Variants in REG1A observed in about 807,000 individuals in gnomAD.
The protein encoded by REG1A is lithostathine-1-alpha.
REG1A carries 20 observed loss-of-function variants against 20.7 expected under a neutral mutation model. The observed-to-expected ratio is 0.97, with a 90% confidence interval of 0.68 to 1.41. REG1A has a LOEUF of 1.41. REG1A is among the 40% of genes most tolerant of loss of function. REG1A has a pLI of 0.00. For synonymous variants in REG1A, 90 were observed against 71.6 expected (o/e 1.26, Z -1.30); for missense variants, 193 against 201.8 (o/e 0.96, Z 0.26).
At chr2:79,123,043 TC>T in intron 5 of REG1A, 91 bp downstream of exon 5, 1 of 1,439,442 alleles carries the variant, frequency 6.9e-7, no homozygotes. Flanking sequence ...AAAGGTGAAC[TC>T]CTCATTAAGG....
Position 79,123,135 on chromosome 2 carries a change from C to T in REG1A, c.434-13C>T. On this transcript the variant is annotated splice_polypyrimidine_tract_variant and intron_variant, in intron 5 of 5. Coordinates refer to ENST00000233735, the MANE Select transcript of REG1A (RefSeq NM_002909.5). ...CGGGTCTCCCAGTTGTAACTCTTCT[C>T]ATTGACTTATAGGATTCCAGAAATG... is the stretch of plus-strand genomic sequence containing the variant. 2 of 1,602,996 alleles carry T rather than the reference C, an allele frequency of 1.2e-6. No homozygotes were observed. Among genetic ancestry groups the T allele is most frequent in the Non-Finnish European group, 1.7e-6 (2 of 1,171,944 alleles).
At position 79,123,265 on chromosome 2, in the gene REG1A, G is replaced by A; in HGVS notation, c.*50G>A. On this transcript the variant is annotated 3_prime_UTR_variant, in exon 6 of 6. Coordinates refer to ENST00000233735, the MANE Select transcript of REG1A (RefSeq NM_002909.5). ...GAACTGATCCAGCAATTACAACGGA[G>A]TCAAAAATTAAACCGGACCATCTCT... is the stretch of plus-strand genomic sequence containing the variant. 1 of 1,247,388 alleles carries A rather than the reference G, an allele frequency of 8.0e-7. No homozygotes were observed. Among genetic ancestry groups the A allele is most frequent in the Non-Finnish European group, 1.2e-6 (1 of 866,364 alleles). 77.3% of individuals were successfully genotyped at this position (1,247,388 alleles called of 1,614,324 possible). A position where few individuals can be genotyped will look rare whatever the true frequency, so the allele number is the denominator to read the frequency against.
At chr2:79,121,938 T>A (rs747434856) in intron 3 of REG1A, 50 bp from the exon 4 acceptor site, 1 of 1,605,608 alleles carries the variant, frequency 6.2e-7, no homozygotes, top group African/African-American at 1.3e-5. Context: ...ACTCAGTATA[T>A]CCGTCACAAC....
At chr2:79,123,119 C>T (rs777012268) in intron 5 of REG1A, 29 bp from the exon 6 acceptor site, 13 of 1,577,978 alleles carry the variant, frequency 8.2e-6, no homozygotes, top group African/African-American at 4.0e-5. Flanking sequence ...TCGGGTCTCC[C>T]AGTTGTAACT....
Position 79,123,190 on chromosome 2 carries a change from C to G in REG1A, c.476C>G (p.Ser159Cys). Residue 159 changes from serine to cysteine, a missense_variant, in exon 6 of 6, where the codon TCC (serine) becomes TGC (cysteine). Coordinates refer to ENST00000233735, the MANE Select transcript of REG1A (RefSeq NM_002909.5). ...WKDVPCEDKF[S>C]FVCKFKN ...GATGTGCCTTGTGAAGACAAGTTCTCCTTTGTCTGCAAGTTCAAAAACTAG... is the reference window on the plus strand; with the variant it reads ...GATGTGCCTTGTGAAGACAAGTTCTGCTTTGTCTGCAAGTTCAAAAACTAG... 1 of 1,612,708 alleles carries G rather than the reference C, an allele frequency of 6.2e-7. No individual in the cohort carries two copies. The highest frequency in any genetic ancestry group is 8.5e-7 in the Non-Finnish European group (1 of 1,178,958).
chr2:79,123,367 G>T lies in REG1A; in HGVS notation c.*152G>T. On this transcript the variant is annotated 3_prime_UTR_variant, in exon 6 of 6. Coordinates refer to ENST00000233735, the MANE Select transcript of REG1A (RefSeq NM_002909.5). ...ATCTTCAATAGTTTTACCTACCCCA[G>T]TCTTTGGAACCCTAAATAATAAAAA... 1 of 553,796 alleles carries T rather than the reference G, an allele frequency of 1.8e-6. No homozygotes were observed. Among genetic ancestry groups the T allele is most frequent in the East Asian group, 2.9e-5 (1 of 35,034 alleles). The allele number at this position is 553,796 out of a possible 1,614,324, so 34.3% of individuals were successfully genotyped here.
chr2:79,122,347 C>T, intron 4 of REG1A: 1 of 529,920 alleles, frequency 1.9e-6, no homozygotes, highest in Non-Finnish European at 3.3e-6. Flanking sequence ...TAAACTTATT[C>T]TGTTTTCAGT....
chr2:79,122,169 A>G (rs1232403103), intron 4 of REG1A, 44 bp downstream of exon 4: 2 of 1,593,934 alleles, frequency 1.3e-6, no homozygotes, highest in Non-Finnish European at 1.7e-6. Context: ...AGGTTTGAGA[A>G]GTAAGAAGGA....
chr2:79,122,691 T>C (rs534313856), intron 4 of REG1A, 150 bp from the exon 5 acceptor site: 1 of 645,584 alleles, frequency 1.5e-6, no homozygotes, highest in Non-Finnish European at 2.8e-6. Flanking sequence ...AGGAAAGAAG[T>C]TTAGAGCAAT....
rs775958009 is a variant in REG1A at position 79,123,234 on chromosome 2, T to C, written c.*19T>C. On this transcript the variant is annotated 3_prime_UTR_variant, in exon 6 of 6. Coordinates refer to ENST00000233735, the MANE Select transcript of REG1A (RefSeq NM_002909.5). The stretch of plus-strand genomic sequence containing the variant: ...AAACTAGAGGCAACTGGAAAATACA[T>C]GTCTAGAACTGATCCAGCAATTACA... The C allele has an allele frequency of 6.0e-6, 9 of 1,497,662 alleles. No homozygotes were observed. The highest frequency in any genetic ancestry group is 1.8e-5 in the Admixed American group (1 of 55,602). 92.8% of individuals were successfully genotyped at this position (1,497,662 alleles called of 1,614,324 possible). A position where few individuals can be genotyped will look rare whatever the true frequency, so the allele number is the denominator to read the frequency against.
At chr2:79,123,098 G>C in intron 5 of REG1A, 50 bp from the exon 6 acceptor site, 2 of 1,515,270 alleles carry the variant, frequency 1.3e-6, no homozygotes, top group South Asian at 1.1e-5. Context: ...AGCCAGGAGG[G>C]TCATACTCTT....
At chr2:79,122,172 A>T (rs1486763138) in intron 4 of REG1A, 47 bp downstream of exon 4, 1 of 1,593,068 alleles carries the variant, frequency 6.3e-7, no homozygotes, top group Admixed American at 1.8e-5. Flanking sequence ...TTTGAGAAGT[A>T]AGAAGGAGGT....
At position 79,121,656 on chromosome 2, in the gene REG1A, C is replaced by T; in HGVS notation, c.159C>T (p.Asp53=). The T allele has an allele frequency of 1.2e-6, 2 of 1,614,046 alleles. No homozygotes were observed. Among genetic ancestry groups the T allele is most frequent in the Middle Eastern group, 1.6e-4 (1 of 6,062 alleles). ...YRSYCYYFNE[D]RETWVDADLY... ...CCTACTGCTACTACTTTAATGAAGA[C>T]CGTGAGACCTGGGTTGATGCAGATG... The change falls in exon 3 of 6, where the codon GAC becomes GAT. Residue 53 remains aspartate (D), a synonymous_variant. Transcript: ENST00000233735.
chr2:79,121,706 G>A (rs751519751), intron 3 of REG1A, 26 bp downstream of exon 3: 2 of 1,603,324 alleles, frequency 1.2e-6, no homozygotes, highest in Non-Finnish European at 1.7e-6. Flanking sequence ...AGTGTGGGAA[G>A]GGAGACTCAT....
chr2:79,122,234 C>A, intron 4 of REG1A, 109 bp downstream of exon 4: 1 of 1,225,956 alleles, frequency 8.2e-7, no homozygotes, highest in Non-Finnish European at 1.1e-6. Context: ...AGAAATCAGG[C>A]TGTTTACAGA....
chr2:79,122,036 C>T lies in REG1A; in HGVS notation c.232C>T (p.Gln78Ter), dbSNP rs1208416626. The change falls in exon 4 of 6, where the codon CAG becomes TAG. Residue 78 changes from glutamine (Q) to a stop codon, truncating the protein, a stop_gained. Coordinates refer to ENST00000233735, the MANE Select transcript of REG1A (RefSeq NM_002909.5). LOFTEE classifies it high-confidence loss of function. ...GGGCAACCTGGTGTCTGTGCTCACCCAGGCCGAGGGTGCCTTTGTGGCCTC... is the reference window on the plus strand; with the variant it reads ...GGGCAACCTGGTGTCTGTGCTCACCTAGGCCGAGGGTGCCTTTGTGGCCTC... Reference protein sequence around the residue: ...NSGNLVSVLTQAEGAFVASLI... With the variant: ...NSGNLVSVLT 1 of 1,614,106 alleles carries T rather than the reference C, an allele frequency of 6.2e-7. No individual in the cohort carries two copies. The highest frequency in any genetic ancestry group is 1.7e-5 in the Admixed American group (1 of 60,002).
intron 4 of REG1A, among the ~76,000 whole-genome samples, chr2:79,122,609 G>A (rs1037812381): frequency 1.3e-5 from 2 of 152,128 alleles, no homozygotes; most frequent in Non-Finnish European, 2.9e-5. Flanking sequence ...TTTTAAGTGA[G>A]ATACTTTGGG....
intron 3 of REG1A, 71 bp downstream of exon 3, chr2:79,121,751 C>A: frequency 6.9e-7 from 1 of 1,443,908 alleles, no homozygotes; most frequent in Non-Finnish European, 9.8e-7. Flanking sequence ...CCAGTGTGTT[C>A]AGTGGCTGCA....
Position 79,120,872 on chromosome 2 carries a change from C to T in REG1A, c.11C>T (p.Thr4Ile), listed in dbSNP as rs747024622. Residue 4 changes from threonine to isoleucine, a missense_variant, in exon 2 of 6, where the codon ACC (threonine) becomes ATC (isoleucine). Physicochemically the swap from Thr to Ile is moderately conservative, Grantham distance 89. Coordinates refer to ENST00000233735, the MANE Select transcript of REG1A (RefSeq NM_002909.5). The stretch of plus-strand genomic sequence containing the variant: ...TCATTGCAGCTCAGCATGGCTCAGA[C>T]CAGCTCATACTTCATGCTGATCTCC... Reference protein sequence around the residue: MAQTSSYFMLISCL... With the variant: MAQISSYFMLISCL... 9.3e-6 allele frequency: 15 copies of T among 1,612,762 alleles called. No homozygotes were observed. Among genetic ancestry groups the T allele is most frequent in the Non-Finnish European group, 1.3e-5 (15 of 1,179,148 alleles).
Sources: gnomAD v4.1 joint callset for allele counts (sites outside exome capture counted in the v4.1 genomes callset) on GRCh38, gnomAD v4.1.1 for gene constraint, MANE v1.5 for transcripts, NCBI Gene and HGNC (gene_info 2026-07-23, HGNC 2026-07-21) for gene names.